GRM7: variants seen among roughly 807,000 people sequenced by gnomAD.
GRM7 encodes the protein glutamate metabotropic receptor 7.
GRM7 carries 35 observed loss-of-function variants against 84.5 expected under a neutral mutation model. That is an observed-to-expected ratio of 0.41 (90% CI 0.32 to 0.55). GRM7 has a LOEUF of 0.55. GRM7 is among the 20% of genes least tolerant of loss of function. The pLI, the probability that GRM7 is intolerant of heterozygous loss-of-function variation, is 0.19. For synonymous variants in GRM7, 487 were observed against 455.1 expected (o/e 1.07, Z -0.89); for missense variants, 1,003 against 1,194.6 (o/e 0.84, Z 2.36).
chr3:7,509,662 G>T (rs1700139613), intron 7 of GRM7, among the ~76,000 whole-genome samples: 1 of 152,162 alleles, frequency 6.6e-6, no homozygotes, highest in Non-Finnish European at 1.5e-5. Context: ...ACAGTCTTAG[G>T]GTCAACCCAG....
Position 7,667,860 on chromosome 3 carries a change from C to CAA in GRM7, c.2452-12172_2452-12171dup, listed in dbSNP as rs61182264. 3.2e-3 allele frequency among the ~76,000 whole-genome samples: 412 copies of CAA among 128,388 alleles called. 1 individual carries two copies. Among genetic ancestry groups the CAA allele is most frequent in the African/African-American group, 0.01 (363 of 35,972 alleles). The allele number at this position is 128,388 out of a possible 152,430, so 84.2% of individuals were successfully genotyped here. A position where few individuals can be genotyped will look rare whatever the true frequency, so the allele number is the denominator to read the frequency against. ...TAAGTCAAAGTCAGCAGATTTATGT[C>CAA]AAAAAAAAAAAAAAAAAACTTCAAC... On this transcript the variant is annotated intron_variant, in intron 8 of 9. Transcript: ENST00000357716.
intron 2 of GRM7, among the ~76,000 whole-genome samples, chr3:7,180,998 A>G (rs936641089): frequency 6.6e-5 from 10 of 152,196 alleles, no homozygotes; most frequent in African/African-American, 1.2e-4. Flanking sequence ...CATTTTTGCA[A>G]TAATGAGTTT....
At chr3:7,230,687 G>A (rs1028802416) in intron 2 of GRM7, among the ~76,000 whole-genome samples, 1 of 152,188 alleles carries the variant, frequency 6.6e-6, no homozygotes, top group South Asian at 2.1e-4. Context: ...GTTTGTATAA[G>A]AATGAGTTTT....
chr3:7,108,313 A>G (rs1574914329), intron 1 of GRM7, among the ~76,000 whole-genome samples: 1 of 152,168 alleles, frequency 6.6e-6, no homozygotes, highest in Admixed American at 6.6e-5. Context: ...GCCTTAGGCA[A>G]GACAGATGAT....
intron 1 of GRM7, among the ~76,000 whole-genome samples, chr3:6,987,459 G>A (rs990282078): frequency 1.3e-5 from 2 of 151,978 alleles, no homozygotes; most frequent in East Asian, 3.9e-4. Context: ...TCTAAACAAG[G>A]TGGTCAGAGA....
At chr3:7,632,200 G>A (rs1269997768) in intron 8 of GRM7, among the ~76,000 whole-genome samples, 2 of 152,162 alleles carry the variant, frequency 1.3e-5, no homozygotes, top group East Asian at 1.9e-4. Flanking sequence ...TTTATCAGAA[G>A]TATCTTGGGA....
chr3:7,233,001 A>C (rs1697242679), intron 2 of GRM7, among the ~76,000 whole-genome samples: 1 of 152,144 alleles, frequency 6.6e-6, no homozygotes, highest in South Asian at 2.1e-4. Flanking sequence ...CAGACTTTTT[A>C]ATATTTGCAT....
chr3:7,061,065 T>A (rs1285427113), intron 1 of GRM7, among the ~76,000 whole-genome samples: 2 of 151,790 alleles, frequency 1.3e-5, no homozygotes, highest in Non-Finnish European at 1.5e-5. Flanking sequence ...ACAGGCATTT[T>A]TTGATGTGCT....
chr3:7,198,872 T>G (rs1029288146), intron 2 of GRM7, among the ~76,000 whole-genome samples: 3 of 152,160 alleles, frequency 2.0e-5, no homozygotes, highest in African/African-American at 7.2e-5. Flanking sequence ...AAAAGTTTAC[T>G]CCTCAAAAGG....
chr3:6,871,299 C>T (rs1019972987), intron 1 of GRM7, among the ~76,000 whole-genome samples: 128 of 152,126 alleles, frequency 8.4e-4, no homozygotes, highest in African/African-American at 3.1e-3. Context: ...TAATGACAAT[C>T]AATTCTGAGC....
intron 1 of GRM7, among the ~76,000 whole-genome samples, chr3:6,882,360 GA>G (rs1244572282): frequency 1.3e-5 from 2 of 152,024 alleles, no homozygotes; most frequent in African/African-American, 4.8e-5. Context: ...ACTCATTGTG[GA>G]AACTACAAAA....
chr3:7,279,139 T>C (rs769077686), intron 2 of GRM7, among the ~76,000 whole-genome samples: 49 of 152,274 alleles, frequency 3.2e-4, no homozygotes, highest in Admixed American at 5.9e-4. Flanking sequence ...AAGGGCTGGG[T>C]TGATGTTCAC....
intron 8 of GRM7, among the ~76,000 whole-genome samples, chr3:7,674,938 A>G (rs1441532092): frequency 1.3e-5 from 2 of 152,224 alleles, no homozygotes; most frequent in Non-Finnish European, 2.9e-5. Flanking sequence ...TTTTTCATAT[A>G]CAGCCTATCT....
At position 7,093,693 on chromosome 3, in the gene GRM7, AAAAAAAAAAAAAAAAAAAAAAG is replaced by A. The variant is rs1451790145; in HGVS notation, c.520-52758_520-52737del. On this transcript the variant is annotated intron_variant, in intron 1 of 9. Coordinates refer to ENST00000357716, the MANE Select transcript of GRM7 (RefSeq NM_000844.4). The stretch of plus-strand genomic sequence containing the variant: ...CTCTGTCTCAAAAAAAAAAAAAAAA[AAAAAAAAAAAAAAAAAAAAAAG>A]GTAGTTAGTGGCCTTTGCTCTTTTA... Among the ~76,000 whole-genome samples the A allele has an allele frequency of 1.4e-3, 158 of 112,170 alleles. 6 individuals are homozygous for A. The highest frequency in any genetic ancestry group is 8.2e-3 in the Middle Eastern group (2 of 244). The allele number at this position is 112,170 out of a possible 152,430, so 73.6% of individuals were successfully genotyped here.
chr3:7,504,168 G>A (rs1456833164), intron 7 of GRM7, among the ~76,000 whole-genome samples: 1 of 152,152 alleles, frequency 6.6e-6, no homozygotes, highest in African/African-American at 2.4e-5. Flanking sequence ...TTTTGGAGTA[G>A]GATTACCTCA....
chr3:7,223,855 G>A (rs780168785), intron 2 of GRM7, among the ~76,000 whole-genome samples: 1 of 152,208 alleles, frequency 6.6e-6, no homozygotes, highest in Non-Finnish European at 1.5e-5. Flanking sequence ...AGAGGAACTT[G>A]ATCTCTTTAT....
At chr3:7,336,099 AAC>A (rs1491466366) in intron 4 of GRM7, among the ~76,000 whole-genome samples, 1 of 150,936 alleles carries the variant, frequency 6.6e-6, no homozygotes. Context: ...AACAAAAAAA[AAC>A]ACAGACCAAT....
chr3:6,861,206 G>C lies in GRM7; in HGVS notation c.-183G>C, dbSNP rs1052883432. 1 of 485,458 alleles carries C rather than the reference G, an allele frequency of 2.1e-6. No homozygotes were observed. The highest frequency in any genetic ancestry group is 2.0e-5 in the African/African-American group (1 of 49,186). The allele number at this position is 485,458 out of a possible 1,614,324, so 30.1% of individuals were successfully genotyped here. Reference sequence around the variant, plus strand: ...AACCCGAGAGCGCGAGGCGCCCCAGGCTGGCAGGCGCCGCGGGACCCCTCA... The same window carrying C: ...AACCCGAGAGCGCGAGGCGCCCCAGCCTGGCAGGCGCCGCGGGACCCCTCA... On this transcript the variant is annotated 5_prime_UTR_variant, in exon 1 of 10. Transcript: ENST00000357716. This position sits in a 1 kb window ranked among gnomAD's most constrained non-coding sequence, Gnocchi z 6.4.
chr3:7,620,658 CT>C (rs887226593), intron 8 of GRM7, among the ~76,000 whole-genome samples: 4 of 152,092 alleles, frequency 2.6e-5, no homozygotes, highest in African/African-American at 4.8e-5. Flanking sequence ...TCCAAAATGA[CT>C]TTTATATGCT....
Sources: gnomAD v4.1 joint callset for allele counts (sites outside exome capture counted in the v4.1 genomes callset) on GRCh38, gnomAD v4.1.1 for gene constraint, Gnocchi (gnomAD v3.1) non-coding constraint, MANE v1.5 for transcripts, NCBI Gene and HGNC (gene_info 2026-07-23, HGNC 2026-07-21) for gene names.